The following ANKRD6 variants were observed in gnomAD, a reference collection of about 807,000 sequenced individuals.
ANKRD6 encodes the protein ankyrin repeat domain 6.
Under a neutral mutation model 82.3 loss-of-function variants are expected in ANKRD6, and 56 were observed. The ratio of observed to expected loss-of-function variants is 0.68; its 90% CI spans 0.55 to 0.85. The LOEUF (loss-of-function observed/expected upper bound fraction) is 0.85. ANKRD6 is among the 40% of genes least tolerant of loss of function. ANKRD6 has a pLI of 0.00. For synonymous variants in ANKRD6, 347 were observed against 352.1 expected (o/e 0.99, Z 0.16); for missense variants, 852 against 907.6 (o/e 0.94, Z 0.79).
chr6:89,513,793 G>A (rs1487910838), intron 1 of ANKRD6, among the ~76,000 whole-genome samples: 3 of 152,206 alleles, frequency 2.0e-5, no homozygotes, highest in Admixed American at 1.3e-4. Flanking sequence ...GAGCTTCACA[G>A]AGACACACAA....
chr6:89,611,730 T>G (rs942854093), intron 5 of ANKRD6, among the ~76,000 whole-genome samples: 1 of 152,250 alleles, frequency 6.6e-6, no homozygotes, highest in African/African-American at 2.4e-5. Context: ...AATACAAGAA[T>G]GGGTGACTTG....
At chr6:89,449,780 A>T (rs996797374) in intron 1 of ANKRD6, among the ~76,000 whole-genome samples, 3 of 152,178 alleles carry the variant, frequency 2.0e-5, no homozygotes, top group African/African-American at 7.2e-5. Context: ...GTGGCTTGCC[A>T]TTGTGCATCT....
chr6:89,494,732 C>T (rs1262421653), intron 1 of ANKRD6, among the ~76,000 whole-genome samples: 1 of 152,158 alleles, frequency 6.6e-6, no homozygotes, highest in Non-Finnish European at 1.5e-5. Context: ...GTTTAGAGGG[C>T]ACCCTGCTTT....
intron 1 of ANKRD6, among the ~76,000 whole-genome samples, chr6:89,551,865 A>G (rs1295903923): frequency 6.6e-6 from 1 of 152,244 alleles, no homozygotes; most frequent in Non-Finnish European, 1.5e-5. Context: ...AACTCTCAGG[A>G]ATAAATATCC....
At chr6:89,506,837 C>G (rs1161853741) in intron 1 of ANKRD6, among the ~76,000 whole-genome samples, 1 of 152,236 alleles carries the variant, frequency 6.6e-6, no homozygotes, top group Non-Finnish European at 1.5e-5. Context: ...GTTTAACCTT[C>G]TGTCCTCTCC....
At chr6:89,563,418 C>T (rs1787794114) in intron 1 of ANKRD6, among the ~76,000 whole-genome samples, 1 of 152,208 alleles carries the variant, frequency 6.6e-6, no homozygotes. Context: ...AGCGTGTTTG[C>T]GTTTAAGGTT....
chr6:89,477,347 C>G (rs1413823729), intron 1 of ANKRD6, among the ~76,000 whole-genome samples: 4 of 151,998 alleles, frequency 2.6e-5, no homozygotes, highest in Non-Finnish European at 5.9e-5. Flanking sequence ...AGGCAAACAT[C>G]ATGAATAATT....
chr6:89,552,305 G>A (rs1785964497), intron 1 of ANKRD6, among the ~76,000 whole-genome samples: 1 of 152,204 alleles, frequency 6.6e-6, no homozygotes, highest in South Asian at 2.1e-4. Context: ...GCCATGGACT[G>A]CACATGCACA....
intron 1 of ANKRD6, among the ~76,000 whole-genome samples, chr6:89,449,954 G>C (rs1216948824): frequency 6.6e-6 from 1 of 152,162 alleles, no homozygotes; most frequent in Non-Finnish European, 1.5e-5. Flanking sequence ...CAACCACTGG[G>C]CTGGAGAGGA....
intron 1 of ANKRD6, among the ~76,000 whole-genome samples, chr6:89,516,560 C>T (rs1466457369): frequency 6.6e-6 from 1 of 151,952 alleles, no homozygotes; most frequent in Non-Finnish European, 1.5e-5. Flanking sequence ...CTGCAACCTC[C>T]ACCTCCTGGG....
rs188620351 is a variant in ANKRD6 at position 89,466,229 on chromosome 6, G to A, written c.-144+32854G>A. Among the ~76,000 whole-genome samples, 354 of 152,248 alleles carry A rather than the reference G, an allele frequency of 2.3e-3. 1 individual carries two copies. Among genetic ancestry groups the A allele is most frequent in the African/African-American group, 8.2e-3 (339 of 41,554 alleles). On this transcript the variant is annotated intron_variant, in intron 1 of 15. Transcript: ENST00000339746. The stretch of plus-strand genomic sequence containing the variant: ...GATATAGTTATGTATTTATTAAGCT[G>A]TTTCCATAGTGTTGAACCTTTAGGT...
chr6:89,496,767 G>A (rs1365885874), intron 1 of ANKRD6, among the ~76,000 whole-genome samples: 6 of 152,028 alleles, frequency 3.9e-5, no homozygotes, highest in African/African-American at 1.4e-4. Flanking sequence ...CAGGTGATCC[G>A]GGAGAAAGAT....
At chr6:89,593,612 G>C (rs562879284) in intron 2 of ANKRD6, among the ~76,000 whole-genome samples, 1 of 152,234 alleles carries the variant, frequency 6.6e-6, no homozygotes, top group Admixed American at 6.5e-5. Flanking sequence ...TGTTATCTCT[G>C]TTTTCCTCCA....
At chr6:89,562,148 G>C (rs769709014) in intron 1 of ANKRD6, among the ~76,000 whole-genome samples, 5 of 152,182 alleles carry the variant, frequency 3.3e-5, no homozygotes, top group Non-Finnish European at 7.3e-5. Context: ...TGGAGCACAC[G>C]CTTACAAGTT....
At chr6:89,626,928 G>C (rs1200248651) in intron 13 of ANKRD6, among the ~76,000 whole-genome samples, 1 of 152,226 alleles carries the variant, frequency 6.6e-6, no homozygotes, top group East Asian at 1.9e-4. Context: ...CCGGATAAAA[G>C]CTCATTTTAC....
chr6:89,496,548 A>G (rs1342673490), intron 1 of ANKRD6, among the ~76,000 whole-genome samples: 1 of 152,012 alleles, frequency 6.6e-6, no homozygotes, highest in Non-Finnish European at 1.5e-5. Context: ...TTTGAGATGG[A>G]GTCTCTCTCT....
chr6:89,455,136 A>C (rs971857503), intron 1 of ANKRD6, among the ~76,000 whole-genome samples: 2 of 145,118 alleles, frequency 1.4e-5, no homozygotes, highest in Admixed American at 6.9e-5. Context: ...GAGCCACCAC[A>C]CCCAGTGTGT....
At chr6:89,536,074 A>G (rs926776902) in intron 1 of ANKRD6, among the ~76,000 whole-genome samples, 1 of 152,162 alleles carries the variant, frequency 6.6e-6, no homozygotes, top group Non-Finnish European at 1.5e-5. Context: ...CTACTAAAAT[A>G]CCAAAATTAG....
intron 1 of ANKRD6, chr6:89,509,095 CT>C (rs1780219080): frequency 6.6e-6 from 1 of 152,278 alleles, no homozygotes; most frequent in Non-Finnish European, 1.5e-5. Flanking sequence ...ACTGTGCACC[CT>C]CCCACTCTCC....
Sources: gnomAD v4.1 joint callset for allele counts (sites outside exome capture counted in the v4.1 genomes callset) on GRCh38, gnomAD v4.1.1 for gene constraint, MANE v1.5 for transcripts, NCBI Gene and HGNC (gene_info 2026-07-23, HGNC 2026-07-21) for gene names.